NRXN2: variants seen among roughly 807,000 people sequenced by gnomAD.
NRXN2 encodes the protein neurexin-2-beta.
A neutral mutation model predicts 128.8 loss-of-function variants in NRXN2; 29 were observed. That is an observed-to-expected ratio of 0.23 (90% CI 0.17 to 0.31). NRXN2 has a LOEUF of 0.31. NRXN2 is among the 10% of genes least tolerant of loss of function. NRXN2 has a pLI of 1.00. For synonymous variants in NRXN2, 1,098 were observed against 1,075.2 expected (o/e 1.02, Z -0.41); for missense variants, 1,881 against 2,452.6 (o/e 0.77, Z 4.92).
chr11:64,655,267 C>T (rs531200459), intron 11 of NRXN2, among the ~76,000 whole-genome samples: 1 of 152,354 alleles, frequency 6.6e-6, no homozygotes, highest in South Asian at 2.1e-4. Context: ...GGGCCACAGC[C>T]TGGCACCAAG....
chr11:64,688,383 G>A, intron 5 of NRXN2: 1 of 985,454 alleles, frequency 1.0e-6, no homozygotes, highest in Non-Finnish European at 1.2e-6. Context: ...GACAGAAAAA[G>A]AGATGAGCAA....
intron 4 of NRXN2, 85 bp downstream of exon 4, chr11:64,692,762 G>C (rs2053991687): frequency 7.7e-6 from 11 of 1,437,616 alleles, no homozygotes; most frequent in Non-Finnish European, 1.1e-5. Context: ...GAAGGGGACA[G>C]GGGAAGGACA....
chr11:64,674,960 T>C (rs1201976885), intron 7 of NRXN2, among the ~76,000 whole-genome samples: 1 of 152,238 alleles, frequency 6.6e-6, no homozygotes, highest in East Asian at 1.9e-4. Flanking sequence ...TCAGCCCATG[T>C]GGTCAATTTT....
In NRXN2 at chr11:64,607,722, A is replaced by C; in HGVS notation, c.4613T>G (p.Leu1538Arg). 5 of 1,560,096 alleles carry C rather than the reference A, an allele frequency of 3.2e-6. No homozygotes were observed. The highest frequency in any genetic ancestry group is 4.3e-6 in the Non-Finnish European group (5 of 1,153,050). The change falls in exon 23 of 23, where the codon CTC becomes CGC. Residue 1538 changes from leucine (L) to arginine (R), a missense_variant. By Grantham distance (102) the Leu-to-Arg change is moderately radical (BLOSUM62 -2). Transcript: ENST00000265459. ...SPRKPAPRPN[L>R]RTDGATGAPG... ...GGCGCCCGTGGCCCCATCTGTCCTGAGGTTGGGCCGGGGAGCGGGTTTGCG... is the reference window on the plus strand; with the variant it reads ...GGCGCCCGTGGCCCCATCTGTCCTGCGGTTGGGCCGGGGAGCGGGTTTGCG...
At chr11:64,633,460 C>G (rs910847183) in intron 18 of NRXN2, among the ~76,000 whole-genome samples, 4 of 152,168 alleles carry the variant, frequency 2.6e-5, no homozygotes, top group Non-Finnish European at 5.9e-5. Context: ...GTGACTTGCA[C>G]AAAGACAGCA....
At chr11:64,680,479 C>A (rs2052066619) in intron 6 of NRXN2, among the ~76,000 whole-genome samples, 2 of 152,202 alleles carry the variant, frequency 1.3e-5, no homozygotes, top group Admixed American at 1.3e-4. Flanking sequence ...CCAATGACAA[C>A]AACCAGGCCC....
intron 17 of NRXN2, among the ~76,000 whole-genome samples, chr11:64,639,610 C>T (rs2045348650): frequency 6.6e-6 from 1 of 152,066 alleles, no homozygotes; most frequent in African/African-American, 2.4e-5. Context: ...TGCCAGTCCT[C>T]CCATGCCCCA....
intron 2 of NRXN2, 96 bp downstream of exon 2, chr11:64,712,874 G>T: frequency 1.8e-6 from 2 of 1,098,400 alleles, no homozygotes; most frequent in Non-Finnish European, 1.3e-6. Context: ...CCCAGCCCCC[G>T]TGCCTCAGGA....
chr11:64,608,217 C>A, intron 22 of NRXN2, 135 bp from the exon 23 acceptor site: 1 of 712,756 alleles, frequency 1.4e-6, no homozygotes, highest in Non-Finnish European at 2.4e-6. Flanking sequence ...CTAGAGCGGG[C>A]TGGGCCCGCC....
At chr11:64,673,855 C>T (rs914915644) in intron 7 of NRXN2, among the ~76,000 whole-genome samples, 17 of 151,972 alleles carry the variant, frequency 1.1e-4, no homozygotes, top group South Asian at 8.3e-4. Context: ...CCTGGCAACA[C>T]GGTGAAACCC....
At chr11:64,642,959 C>T (rs1205222533) in intron 17 of NRXN2, 2 of 1,020,334 alleles carry the variant, frequency 2.0e-6, no homozygotes, top group Non-Finnish European at 2.3e-6. Flanking sequence ...CCGGAGCCAA[C>T]AAAATCAACT....
chr11:64,614,454 A>G (rs2041158461), intron 22 of NRXN2, among the ~76,000 whole-genome samples: 1 of 150,754 alleles, frequency 6.6e-6, no homozygotes, highest in Non-Finnish European at 1.5e-5. Context: ...ACCCCCAAGG[A>G]GGACATTGTT....
At chr11:64,710,170 A>T (rs1474988426) in intron 2 of NRXN2, among the ~76,000 whole-genome samples, 1 of 151,816 alleles carries the variant, frequency 6.6e-6, no homozygotes, top group Non-Finnish European at 1.5e-5. Flanking sequence ...AGCCTCCCAA[A>T]GTGCTGGGAT....
At chr11:64,653,979 G>A (rs1442606543) in intron 11 of NRXN2, among the ~76,000 whole-genome samples, 1 of 152,162 alleles carries the variant, frequency 6.6e-6, no homozygotes, top group Non-Finnish European at 1.5e-5. Flanking sequence ...AGGGCTTGTG[G>A]CCCCCTTCTT....
Position 64,660,695 on chromosome 11 carries a change from G to A in NRXN2, c.2185+58C>T. 3 of 1,603,384 alleles carry A rather than the reference G, an allele frequency of 1.9e-6. No individual in the cohort carries two copies. In the South Asian group the frequency reaches 3.3e-5, roughly 18 times the overall value. On this transcript the variant is annotated intron_variant, in intron 10 of 22. Coordinates refer to ENST00000265459, the MANE Select transcript of NRXN2 (RefSeq NM_015080.4). This position sits in a 1 kb window ranked among gnomAD's most constrained non-coding sequence, Gnocchi z 5.2. ...AGGGATGGAAAGTAGGAGTCACCCT[G>A]AGAAGGAGGAGCACAGGGATAGGGA...
At position 64,607,537 on chromosome 11, in the gene NRXN2, C is replaced by T. The variant is rs747979080; in HGVS notation, c.4798G>A (p.Val1600Met). 4.2e-5 allele frequency: 66 copies of T among 1,564,054 alleles called. No individual in the cohort carries two copies. The Middle Eastern group carries it at 5.1e-4, about 12-fold the overall frequency. ...PRRPPPLRPG[V>M]TSAPGFPHLP... ...TGGGGGAAGCCGGGGGCTGAGGTCA[C>T]GCCGGGGCGCAGGGGAGGGGGCCTC... Residue 1600 changes from valine to methionine, a missense_variant, in exon 23 of 23, where the codon GTG becomes ATG. Around this residue, in one of 7 missense-constraint regions of NRXN2, gnomAD observed 310 missense variants for 318.2 expected, o/e 0.97. Transcript: ENST00000265459.
chr11:64,683,263 A>G (rs1453324085), intron 6 of NRXN2, among the ~76,000 whole-genome samples: 1 of 152,184 alleles, frequency 6.6e-6, no homozygotes, highest in Non-Finnish European at 1.5e-5. Context: ...CACTCCACCC[A>G]TCATCACCCT....
chr11:64,648,594 G>T lies in NRXN2; in HGVS notation c.3283+140C>A. ...TTCACACACCTGTATCCCTGCCCCA[G>T]AACTGTGGGGGCAAGCTCCCATAAG... On this transcript the variant is annotated intron_variant, in intron 16 of 22. Coordinates refer to ENST00000265459, the MANE Select transcript of NRXN2 (RefSeq NM_015080.4). This position sits in a 1 kb window ranked among gnomAD's most constrained non-coding sequence, Gnocchi z 4.1. 1 of 1,227,328 alleles carries T rather than the reference G, an allele frequency of 8.1e-7. No individual in the cohort carries two copies. The allele number at this position is 1,227,328 out of a possible 1,614,324, so 76.0% of individuals were successfully genotyped here.
At chr11:64,627,422 G>T (rs1221720781) in intron 19 of NRXN2, among the ~76,000 whole-genome samples, 1 of 145,232 alleles carries the variant, frequency 6.9e-6, no homozygotes, top group Non-Finnish European at 1.5e-5. Flanking sequence ...CCTCTGCCCC[G>T]AATGCACCTT....
Sources: allele counts gnomAD v4.1 joint callset (sites outside exome capture counted in the v4.1 genomes callset), GRCh38; gene constraint gnomAD v4.1.1; regional missense constraint gnomAD v4.1.1; non-coding constraint Gnocchi (gnomAD v3.1); transcripts MANE v1.5; gene names NCBI Gene and HGNC (gene_info 2026-07-23, HGNC 2026-07-21).